Variants in USH2A observed in about 807,000 individuals in gnomAD.
The protein encoded by USH2A is usherin.
A neutral mutation model predicts 538.9 loss-of-function variants in USH2A; 443 were observed. The ratio of observed to expected loss-of-function variants is 0.82; its 90% CI spans 0.76 to 0.89. The LOEUF is 0.89. Ranked by LOEUF, USH2A falls within the 40% of genes least tolerant of loss-of-function variation. USH2A has a pLI of 0.00. For synonymous variants in USH2A, 2,413 were observed against 2,273.5 expected (o/e 1.06, Z -1.75); for missense variants, 6,633 against 6,324.8 (o/e 1.05, Z -1.65).
chr1:215,866,636 T>C (rs1204333025), intron 44 of USH2A, among the ~76,000 whole-genome samples: 1 of 152,192 alleles, frequency 6.6e-6, no homozygotes. Context: ...TGTATCCAAT[T>C]AATACATGGA....
intron 61 of USH2A, among the ~76,000 whole-genome samples, chr1:215,726,937 G>A (rs761909022): frequency 3.3e-5 from 5 of 152,040 alleles, no homozygotes. Flanking sequence ...CCCCTTATGT[G>A]CAATTCTCAT....
chr1:215,963,381 C>T (rs910862169), intron 37 of USH2A, among the ~76,000 whole-genome samples: 16 of 152,034 alleles, frequency 1.1e-4, no homozygotes, highest in African/African-American at 3.6e-4. Context: ...TTTCCTGGGG[C>T]CCATCTCAGA....
At chr1:215,984,865 T>C (rs1487505201) in intron 35 of USH2A, among the ~76,000 whole-genome samples, 1 of 152,214 alleles carries the variant, frequency 6.6e-6, no homozygotes, top group Non-Finnish European at 1.5e-5. Flanking sequence ...GCTGATTGAA[T>C]GTGGCAGATA....
chr1:216,082,013 G>T (rs1306016424), intron 26 of USH2A, among the ~76,000 whole-genome samples: 1 of 151,920 alleles, frequency 6.6e-6, no homozygotes, highest in African/African-American at 2.4e-5. Context: ...GCATAGTAGG[G>T]CATATAGACC....
At chr1:215,703,976 G>A (rs1193685636) in intron 61 of USH2A, among the ~76,000 whole-genome samples, 1 of 152,204 alleles carries the variant, frequency 6.6e-6, no homozygotes, top group Non-Finnish European at 1.5e-5. Context: ...TGGTCTGTGG[G>A]TTGTGACGAC....
In USH2A at chr1:215,790,065, C is replaced by T; in HGVS notation, c.10176G>A (p.Met3392Ile). The change falls in exon 51 of 72, where the codon ATG (methionine) becomes ATA (isoleucine). Residue 3392 changes from methionine to isoleucine, a missense_variant. Met to Ile is a conservative substitution (Grantham distance 10). Transcript: ENST00000307340. ...VCSDKISTGM[M>I]MKETKECRIL... is the part of the protein sequence containing the mutation. ...GAGCTTTTCTATCAATTACCTTCAT[C>T]ATCATTCCAGTTGAAATCTTGTCAG... is the stretch of plus-strand genomic sequence containing the variant. The T allele has an allele frequency of 8.1e-6, 13 of 1,613,266 alleles. No individual in the cohort carries two copies. The highest frequency in any genetic ancestry group is 1.1e-5 in the Non-Finnish European group (13 of 1,179,906).
At chr1:215,825,224 T>G (rs1478368768) in intron 47 of USH2A, among the ~76,000 whole-genome samples, 4 of 152,128 alleles carry the variant, frequency 2.6e-5, no homozygotes, top group African/African-American at 9.7e-5. Context: ...ACTTTCTTCT[T>G]TATTTATTTT....
At chr1:216,306,843 G>T (rs1477697296) in intron 9 of USH2A, among the ~76,000 whole-genome samples, 1 of 152,160 alleles carries the variant, frequency 6.6e-6, no homozygotes, top group Non-Finnish European at 1.5e-5. Flanking sequence ...CCTCCAGACT[G>T]GTAGTGGGGA....
At chr1:216,003,846 C>A (rs574462123) in intron 32 of USH2A, among the ~76,000 whole-genome samples, 1 of 152,026 alleles carries the variant, frequency 6.6e-6, no homozygotes, top group Non-Finnish European at 1.5e-5. Flanking sequence ...GGCTGCCAGA[C>A]GTATAGATGG....
chr1:215,850,314 A>G (rs766223185), intron 44 of USH2A, among the ~76,000 whole-genome samples: 10 of 152,300 alleles, frequency 6.6e-5, no homozygotes, highest in Non-Finnish European at 1.0e-4. Flanking sequence ...ATTTTAAAAT[A>G]TAGTCGGAAG....
chr1:215,904,901 T>C (rs531797589), intron 38 of USH2A, among the ~76,000 whole-genome samples: 1 of 152,250 alleles, frequency 6.6e-6, no homozygotes, highest in South Asian at 2.1e-4. Context: ...ATTGAGATGG[T>C]ATAATCTTTT....
intron 47 of USH2A, among the ~76,000 whole-genome samples, chr1:215,836,799 G>A (rs990937119): frequency 2.0e-5 from 3 of 149,604 alleles, no homozygotes; most frequent in Admixed American, 6.7e-5. Flanking sequence ...CTTGTGATCC[G>A]CCCGCCTCGG....
chr1:215,894,637 C>T (rs776029405), intron 40 of USH2A, among the ~76,000 whole-genome samples: 11 of 152,134 alleles, frequency 7.2e-5, no homozygotes, highest in Non-Finnish European at 1.3e-4. Flanking sequence ...CTAGAACATT[C>T]GTTAACCTAG....
chr1:216,277,074 C>T lies in USH2A; in HGVS notation c.1971+12206G>A, dbSNP rs148439967. Among the ~76,000 whole-genome samples, 212 of 152,266 alleles carry T rather than the reference C, an allele frequency of 1.4e-3. 3 individuals carry two copies. The highest frequency in any genetic ancestry group is 1.1e-3 in the Non-Finnish European group (78 of 68,002). Reference sequence around the variant, plus strand: ...ATATCTAAACAAAAGTTGTTTTCATCCTTTAATCATAACTCCAGGAAACTA... The same window carrying T: ...ATATCTAAACAAAAGTTGTTTTCATTCTTTAATCATAACTCCAGGAAACTA... On this transcript the variant is annotated intron_variant, in intron 11 of 71. Transcript: ENST00000307340.
intron 55 of USH2A, among the ~76,000 whole-genome samples, chr1:215,769,174 G>A (rs1275885737): frequency 6.6e-6 from 1 of 152,124 alleles, no homozygotes; most frequent in African/African-American, 2.4e-5. Context: ...ATTTTTTCCT[G>A]AATGCCAGAT....
chr1:216,005,170 C>T (rs1365152694), intron 32 of USH2A, among the ~76,000 whole-genome samples: 1 of 152,144 alleles, frequency 6.6e-6, no homozygotes, highest in Non-Finnish European at 1.5e-5. Flanking sequence ...GTTCACACTT[C>T]TGGGCCTTTG....
chr1:216,395,806 T>C (rs2039202258), intron 3 of USH2A, among the ~76,000 whole-genome samples: 1 of 152,146 alleles, frequency 6.6e-6, no homozygotes, highest in Non-Finnish European at 1.5e-5. Context: ...CATCCTACAA[T>C]GCACAGGAAA....
At chr1:216,080,431 A>G (rs761275716) in intron 26 of USH2A, among the ~76,000 whole-genome samples, 8 of 152,200 alleles carry the variant, frequency 5.3e-5, no homozygotes, top group Non-Finnish European at 1.2e-4. Context: ...TCATTGGGCT[A>G]GGAAATGTGG....
At chr1:215,991,354 C>T (rs1417014491) in intron 35 of USH2A, among the ~76,000 whole-genome samples, 2 of 151,878 alleles carry the variant, frequency 1.3e-5, no homozygotes, top group African/African-American at 2.4e-5. Context: ...GTGGGGACTT[C>T]GAAGACAGAT....
Sources: allele counts gnomAD v4.1 joint callset (sites outside exome capture counted in the v4.1 genomes callset), GRCh38; gene constraint gnomAD v4.1.1; transcripts MANE v1.5; gene names NCBI Gene and HGNC (gene_info 2026-07-23, HGNC 2026-07-21).